UMAD1: variants seen among roughly 807,000 people sequenced by gnomAD.
UMAD1 encodes UBAP1-MVB12-associated (UMA)-domain containing protein 1.
UMAD1 carries 8 observed loss-of-function variants against 6.1 expected under a neutral mutation model. The observed-to-expected ratio is 1.30, with a 90% CI of 0.76 to 2.35. The LOEUF is 2.35. UMAD1 is among the 30% of genes most tolerant of loss of function. The pLI is 0.00. For synonymous variants in UMAD1, 56 were observed against 31.4 expected, an observed-to-expected ratio of 1.78 and a Z score of -2.61; for missense variants, 130 against 78.4, an observed-to-expected ratio of 1.66 and a Z score of -2.49.
rs76267830 is a variant in UMAD1 at position 7,670,800 on chromosome 7, G to A, written c.-63-2509G>A. On this transcript the variant is annotated intron_variant, in intron 1 of 3. Transcript: ENST00000682710. The stretch of plus-strand genomic sequence containing the variant: ...CAAAACCACTCCCATTTACAAAGGC[G>A]AACAAAGGGAGAGAGAGAACAGTCA... 4.4e-3 allele frequency among the ~76,000 whole-genome samples: 667 copies of A among 152,288 alleles called. 3 individuals carry two copies. Among genetic ancestry groups the A allele is most frequent in the African/African-American group, 0.015 (626 of 41,548 alleles).
intron 1 of UMAD1, among the ~76,000 whole-genome samples, chr7:7,657,200 G>A (rs920397920): frequency 6.6e-6 from 1 of 152,032 alleles, no homozygotes; most frequent in African/African-American, 2.4e-5. Flanking sequence ...TCTTTCTAGA[G>A]TCTGGGTATT....
At chr7:7,792,539 A>T (rs796971472) in intron 2 of UMAD1, among the ~76,000 whole-genome samples, 1 of 152,250 alleles carries the variant, frequency 6.6e-6, no homozygotes, top group Non-Finnish European at 1.5e-5. Flanking sequence ...AATGGGAAGC[A>T]CCATGATATT....
intron 1 of UMAD1, among the ~76,000 whole-genome samples, chr7:7,666,157 C>T (rs1779449267): frequency 6.6e-6 from 1 of 151,732 alleles, no homozygotes; most frequent in Non-Finnish European, 1.5e-5. Context: ...CATATCTTTG[C>T]CCTTTGCCAA....
intron 2 of UMAD1, 57 bp downstream of exon 2, chr7:7,673,510 A>G (rs1001493511): frequency 3.0e-6 from 2 of 674,662 alleles, no homozygotes; most frequent in Non-Finnish European, 2.6e-6. Flanking sequence ...TTAAAAAATT[A>G]CTTGAAAATT....
chr7:7,708,819 G>A (rs1780675402), intron 2 of UMAD1, among the ~76,000 whole-genome samples: 1 of 152,122 alleles, frequency 6.6e-6, no homozygotes, highest in Non-Finnish European at 1.5e-5. Flanking sequence ...GGTTTAAAGG[G>A]AAGTTATAAC....
At chr7:7,846,114 G>C (rs568625623) in intron 3 of UMAD1, among the ~76,000 whole-genome samples, 1 of 152,072 alleles carries the variant, frequency 6.6e-6, no homozygotes, top group East Asian at 1.9e-4. Context: ...TGTGACCTTG[G>C]GCCATTTATT....
chr7:7,837,316 G>A (rs1174861102), intron 3 of UMAD1, among the ~76,000 whole-genome samples: 6 of 152,074 alleles, frequency 3.9e-5, no homozygotes, highest in African/African-American at 9.7e-5. Context: ...AGTGATGTAC[G>A]TCAGGCTGAA....
At chr7:7,726,355 C>G (rs1781137572) in intron 2 of UMAD1, among the ~76,000 whole-genome samples, 1 of 152,230 alleles carries the variant, frequency 6.6e-6, no homozygotes, top group African/African-American at 2.4e-5. Flanking sequence ...CAGCAGTGAG[C>G]TCATGCTCAT....
intron 3 of UMAD1, among the ~76,000 whole-genome samples, chr7:7,872,420 C>A (rs1784347892): frequency 6.6e-6 from 1 of 152,220 alleles, no homozygotes; most frequent in African/African-American, 2.4e-5. Flanking sequence ...ACAATCAGAA[C>A]ACACACAACA....
chr7:7,768,789 T>C (rs1312449072), intron 2 of UMAD1, among the ~76,000 whole-genome samples: 1 of 152,226 alleles, frequency 6.6e-6, no homozygotes, highest in East Asian at 1.9e-4. Flanking sequence ...TTATCGCACT[T>C]TACTATATTA....
chr7:7,670,401 G>A (rs1030302939), intron 1 of UMAD1, among the ~76,000 whole-genome samples: 1 of 152,176 alleles, frequency 6.6e-6, no homozygotes, highest in Non-Finnish European at 1.5e-5. Context: ...GTGGCACAGT[G>A]AACAAGGCAA....
intron 3 of UMAD1, among the ~76,000 whole-genome samples, chr7:7,847,812 A>G (rs915899820): frequency 2.0e-5 from 3 of 152,170 alleles, no homozygotes; most frequent in South Asian, 2.1e-4. Context: ...CAGCCTGTCA[A>G]AATGCTGGGA....
intron 2 of UMAD1, among the ~76,000 whole-genome samples, chr7:7,770,864 G>T (rs746202936): frequency 6.6e-6 from 1 of 152,156 alleles, no homozygotes; most frequent in Non-Finnish European, 1.5e-5. Flanking sequence ...CAGGTAAGCA[G>T]TTGAAAGTAT....
At chr7:7,767,420 C>A (rs955707003) in intron 2 of UMAD1, among the ~76,000 whole-genome samples, 6 of 152,318 alleles carry the variant, frequency 3.9e-5, no homozygotes, top group African/African-American at 1.2e-4. Context: ...CCACCGCGCC[C>A]AGCCAGAAAT....
chr7:7,716,762 G>A (rs889231467), intron 2 of UMAD1, among the ~76,000 whole-genome samples: 1 of 152,194 alleles, frequency 6.6e-6, no homozygotes, highest in Non-Finnish European at 1.5e-5. Flanking sequence ...TGGCTAACAC[G>A]GTGAAACCCC....
At chr7:7,817,135 A>G (rs1176023900) in intron 3 of UMAD1, among the ~76,000 whole-genome samples, 4 of 152,172 alleles carry the variant, frequency 2.6e-5, no homozygotes, top group Admixed American at 6.5e-5. Context: ...ACTTCTCTGA[A>G]GAACTTTATC....
chr7:7,752,921 G>A (rs1206741825), intron 2 of UMAD1, among the ~76,000 whole-genome samples: 1 of 151,966 alleles, frequency 6.6e-6, no homozygotes, highest in East Asian at 1.9e-4. Context: ...AGTTGCATAA[G>A]ATTCAGTTAC....
intron 2 of UMAD1, among the ~76,000 whole-genome samples, chr7:7,682,431 T>A (rs2115123763): frequency 6.6e-6 from 1 of 152,200 alleles, no homozygotes; most frequent in East Asian, 1.9e-4. Flanking sequence ...ATTTAAACTA[T>A]CATATTTTTA....
intron 3 of UMAD1, among the ~76,000 whole-genome samples, chr7:7,825,597 A>G (rs1025859801): frequency 6.6e-6 from 1 of 152,194 alleles, no homozygotes; most frequent in East Asian, 1.9e-4. Flanking sequence ...AGCATGGGAA[A>G]GACCTGCCTC....
Sources: gnomAD v4.1 joint callset for allele counts (sites outside exome capture counted in the v4.1 genomes callset) on GRCh38, gnomAD v4.1.1 for gene constraint, MANE v1.5 for transcripts, NCBI Gene and HGNC (gene_info 2026-07-23, HGNC 2026-07-21) for gene names.